The following ADAR variants were observed in gnomAD, a reference collection of about 807,000 sequenced individuals.
ADAR encodes adenosine deaminase RNA specific.
In ADAR, 41 loss-of-function variants were observed where a neutral mutation model predicts 113.2. The observed-to-expected ratio is 0.36, with a 90% confidence interval of 0.28 to 0.47. ADAR has a LOEUF of 0.47. Among genes scored for constraint, ADAR ranks in the 20% least tolerant of loss-of-function variants. The pLI, the probability that ADAR is intolerant of heterozygous loss-of-function variation, is 1.00. For synonymous variants in ADAR, 605 were observed against 572.6 expected (o/e 1.06, Z -0.81); for missense variants, 1,242 against 1,540.9 (o/e 0.81, Z 3.25).
chr1:154,616,836 A>G (rs1571145437), intron 1 of ADAR, among the ~76,000 whole-genome samples: 1 of 152,316 alleles, frequency 6.6e-6, no homozygotes, highest in East Asian at 1.9e-4. Context: ...CACTGCTCCA[A>G]AGACTTTGTT....
In ADAR at chr1:154,586,331, T is replaced by C. The variant is rs1696761288; in HGVS notation, c.3052A>G (p.Ile1018Val). ...EGTIPVESSD[I>V]VPTWDGIRLG... is the part of the protein sequence containing the mutation. ...CGAATGCCATCCCACGTAGGCACAA[T>C]GTCACTGGATTCCACAGGGATTGTG... Residue 1018 changes from isoleucine to valine, a missense_variant, in exon 12 of 15, where the codon ATT (isoleucine) becomes GTT (valine). Around this residue, in one of 2 missense-constraint regions of ADAR, gnomAD observed 780 missense variants for 1,057.9 expected, o/e 0.74. Transcript: ENST00000368474. 2 of 1,614,174 alleles carry C rather than the reference T, an allele frequency of 1.2e-6. No homozygotes were observed. The highest frequency in any genetic ancestry group is 1.7e-6 in the Non-Finnish European group (2 of 1,180,030).
In ADAR at chr1:154,585,226, G is replaced by T; in HGVS notation, c.3434C>A (p.Thr1145Asn). 6.2e-7 allele frequency: 1 copy of T among 1,614,160 alleles called. No individual in the cohort carries two copies. The highest frequency in any genetic ancestry group is 8.5e-7 in the Non-Finnish European group (1 of 1,180,032). ...DLEILDGTRG[T>N]VDGPRNELSR... is the part of the protein sequence containing the mutation. Reference sequence around the variant, plus strand: ...TCTCCTGTCTCCTTACCCATCCACAGTGCCTCTGGTACCGTCCAGGATCTC... The same window carrying T: ...TCTCCTGTCTCCTTACCCATCCACATTGCCTCTGGTACCGTCCAGGATCTC... Residue 1145 changes from threonine (T) to asparagine (N), a missense_variant, in exon 14 of 15, where the codon ACT becomes AAT. Physicochemically the swap from Thr to Asn is moderately conservative, Grantham distance 65. Transcript: ENST00000368474.
chr1:154,598,614 C>T (rs924982877), intron 2 of ADAR, 29 bp from the exon 3 acceptor site: 2 of 1,611,688 alleles, frequency 1.2e-6, no homozygotes, highest in East Asian at 2.2e-5. Flanking sequence ...GATGTGTGAA[C>T]AGGAGTCTAG....
chr1:154,589,749 T>C lies in ADAR; in HGVS notation c.2668+8A>G, dbSNP rs776928411. 1 of 1,614,092 alleles carries C rather than the reference T, an allele frequency of 6.2e-7. No homozygotes were observed. The highest frequency in any genetic ancestry group is 1.1e-5 in the South Asian group (1 of 91,076). ...ATGGGAGGCGGCATGTCTCAGAGCC[T>C]CACTCACCTGTTCCCAAGCTGACGA... On this transcript the variant is annotated splice_region_variant and intron_variant, in intron 8 of 14. Transcript: ENST00000368474.
chr1:154,596,513 T>C (rs1405151277), intron 6 of ADAR, among the ~76,000 whole-genome samples: 1 of 152,252 alleles, frequency 6.6e-6, no homozygotes, highest in Admixed American at 6.5e-5. Context: ...GTGCTGGGAT[T>C]ACAGGCGTGA....
chr1:154,597,751 G>A, intron 4 of ADAR, 77 bp downstream of exon 4: 1 of 1,591,610 alleles, frequency 6.3e-7, no homozygotes, highest in South Asian at 1.1e-5. Flanking sequence ...TGCCATCCCT[G>A]AGGAGGCAAG....
exon 1 of ADAR, chr1:154,627,914 A>AACCTCCC: frequency 2.2e-6 from 1 of 463,314 alleles, no homozygotes; most frequent in Non-Finnish European, 4.2e-6. Flanking sequence ...TGCGGCCGCG[A>AACCTCCC]CCCTCCCCCC....
intron 1 of ADAR, among the ~76,000 whole-genome samples, chr1:154,618,091 C>T (rs1353587163): frequency 2.7e-5 from 4 of 149,866 alleles, no homozygotes; most frequent in Non-Finnish European, 4.4e-5. Context: ...ATATACATTA[C>T]TATAGTAATA....
chr1:154,584,716 A>T lies in ADAR; in HGVS notation c.*90T>A, dbSNP rs1696629932. ...AAAAGAAAAAAAAAGGAGAAAAAAA[A>T]ATCCCCTGACCATGTGATGAGGAAT... On this transcript the variant is annotated 3_prime_UTR_variant, in exon 15 of 15. Coordinates refer to ENST00000368474, the MANE Select transcript of ADAR (RefSeq NM_001111.5). 2.6e-6 allele frequency: 3 copies of T among 1,171,962 alleles called. No homozygotes were observed. Among genetic ancestry groups the T allele is most frequent in the South Asian group, 1.4e-5 (1 of 73,644 alleles). 72.6% of individuals were successfully genotyped at this position (1,171,962 alleles called of 1,614,324 possible). A position where few individuals can be genotyped will look rare whatever the true frequency, so the allele number is the denominator to read the frequency against.
chr1:154,596,654 G>GTCT, intron 6 of ADAR, 151 bp downstream of exon 6: 2 of 811,438 alleles, frequency 2.5e-6, no homozygotes, highest in East Asian at 5.4e-5. Flanking sequence ...CAGGTCTATT[G>GTCT]TCTTCTAAGA....
intron 14 of ADAR, 53 bp from the exon 15 acceptor site, chr1:154,585,096 T>C: frequency 1.2e-6 from 2 of 1,610,164 alleles, no homozygotes; most frequent in Non-Finnish European, 1.7e-6. Flanking sequence ...GATAAGGAGC[T>C]CACAGTGGAG....
intron 1 of ADAR, chr1:154,606,074 G>T: frequency 2.5e-6 from 1 of 393,622 alleles, no homozygotes; most frequent in Non-Finnish European, 3.5e-6. Flanking sequence ...GCATGATCTC[G>T]GCTCACTGCA....
intron 6 of ADAR, among the ~76,000 whole-genome samples, chr1:154,592,854 T>C (rs114646560): frequency 0.014 from 2,144 of 151,686 alleles, 50 homozygotes; most frequent in African/African-American, 0.05. Flanking sequence ...TTAAAGGTCA[T>C]GGCTGTCGCG....
intron 11 of ADAR, 59 bp from the exon 12 acceptor site, chr1:154,586,422 G>A (rs934720545): frequency 1.3e-5 from 21 of 1,564,572 alleles, no homozygotes; most frequent in South Asian, 6.8e-5. Flanking sequence ...ACTCCCTGGC[G>A]TGGTTTCTAT....
At chr1:154,621,868 C>T (rs996267419) in intron 1 of ADAR, among the ~76,000 whole-genome samples, 4 of 152,074 alleles carry the variant, frequency 2.6e-5, no homozygotes, top group African/African-American at 7.2e-5. Flanking sequence ...GGAGTAAGAG[C>T]GGGGTTAAAT....
chr1:154,617,366 T>C (rs1453737276), intron 1 of ADAR, among the ~76,000 whole-genome samples: 1 of 152,190 alleles, frequency 6.6e-6, no homozygotes, highest in Non-Finnish European at 1.5e-5. Context: ...AGAGTCTAGA[T>C]TCTTACTTTA....
intron 1 of ADAR, chr1:154,627,805 C>T (rs781299879): frequency 1.9e-6 from 1 of 515,166 alleles, no homozygotes; most frequent in Admixed American, 1.9e-5. Flanking sequence ...CCGCATGGGC[C>T]GCGCGTTCCA....
chr1:154,597,589 G>A (rs141757815), intron 4 of ADAR, among the ~76,000 whole-genome samples: 13 of 152,278 alleles, frequency 8.5e-5, no homozygotes, highest in South Asian at 8.3e-4. Flanking sequence ...TGACCTCCAA[G>A]CCGTGAACCT....
At position 154,602,245 on chromosome 1, in the gene ADAR, G is replaced by C. The variant is rs1457956246; in HGVS notation, c.397C>G (p.Leu133Val). 1.2e-6 allele frequency: 2 copies of C among 1,614,192 alleles called. No homozygotes were observed. Among genetic ancestry groups the C allele is most frequent in the East Asian group, 2.2e-5 (1 of 44,882 alleles). ...VDCLSSHFQELSIYQDQEQRI... is the reference protein window; with the variant it reads ...VDCLSSHFQEVSIYQDQEQRI... The stretch of plus-strand genomic sequence containing the variant: ...TGTTCCTGATCTTGGTAGATACTCA[G>C]TTCCTGGAAATGTGAGGAAAGGCAA... The change falls in exon 2 of 15, where the codon CTG (leucine) becomes GTG (valine). Residue 133 changes from leucine (L) to valine (V), a missense_variant. This residue lies in a region of ADAR where 462 missense variants were observed against 483.1 expected (regional missense o/e 0.96). Transcript: ENST00000368474.
Sources: gnomAD v4.1 joint callset for allele counts (sites outside exome capture counted in the v4.1 genomes callset) on GRCh38, gnomAD v4.1.1 for gene constraint, gnomAD v4.1.1 regional missense constraint, MANE v1.5 for transcripts, NCBI Gene and HGNC (gene_info 2026-07-23, HGNC 2026-07-21) for gene names.